The following WWOX variants were observed in gnomAD, a reference collection of about 807,000 sequenced individuals.
The protein encoded by WWOX is WW domain containing oxidoreductase.
A neutral mutation model predicts 46.2 loss-of-function variants in WWOX; 69 were observed. That is an observed-to-expected ratio of 1.49 (90% CI 1.23 to 1.82). WWOX has a LOEUF of 1.82. Ranked by LOEUF, WWOX falls within the 40% of genes most tolerant of loss-of-function variation. The pLI is 0.00. For synonymous variants in WWOX, 359 were observed against 202.6 expected (o/e 1.77, Z -6.56); for missense variants, 919 against 542.6 (o/e 1.69, Z -6.89).
chr16:78,273,627 G>C (rs977152995), intron 5 of WWOX, among the ~76,000 whole-genome samples: 4 of 152,144 alleles, frequency 2.6e-5, no homozygotes, highest in African/African-American at 9.7e-5. Flanking sequence ...AGTCACCCAG[G>C]CACGAAATGA....
At chr16:78,547,052 T>C (rs2044050364) in intron 8 of WWOX, among the ~76,000 whole-genome samples, 1 of 142,034 alleles carries the variant, frequency 7.0e-6, no homozygotes, top group Admixed American at 7.3e-5. Flanking sequence ...TGCTTGAGCC[T>C]GGGAGGTCAA....
chr16:78,575,691 C>T (rs544098496), intron 8 of WWOX, among the ~76,000 whole-genome samples: 10 of 152,260 alleles, frequency 6.6e-5, no homozygotes, highest in African/African-American at 1.9e-4. Flanking sequence ...TGACACCCTC[C>T]TAAAGCCACG....
intron 8 of WWOX, among the ~76,000 whole-genome samples, chr16:78,596,703 G>T (rs1234414584): frequency 6.6e-6 from 1 of 152,192 alleles, no homozygotes; most frequent in Non-Finnish European, 1.5e-5. Flanking sequence ...TGAGAGGTAA[G>T]CCGGGCCTAG....
At chr16:78,780,314 A>G (rs1242914720) in intron 8 of WWOX, 1 of 152,084 alleles carries the variant, frequency 6.6e-6, no homozygotes, top group Non-Finnish European at 1.5e-5. Flanking sequence ...GGGTACATTC[A>G]CTCACTCATG....
At chr16:78,818,753 C>A (rs375327195) in intron 8 of WWOX, among the ~76,000 whole-genome samples, 26 of 152,314 alleles carry the variant, frequency 1.7e-4, no homozygotes, top group African/African-American at 6.0e-4. Flanking sequence ...CCAGTCAAGT[C>A]ATTAACTATT....
At chr16:78,535,554 A>T (rs2043738326) in intron 8 of WWOX, 1 of 152,208 alleles carries the variant, frequency 6.6e-6, no homozygotes, top group South Asian at 2.1e-4. Context: ...TAGAAGTAAG[A>T]CTTTTTCTGT....
chr16:79,104,910 C>A (rs974866183), intron 8 of WWOX, among the ~76,000 whole-genome samples: 17 of 152,190 alleles, frequency 1.1e-4, no homozygotes, highest in Admixed American at 7.2e-4. Flanking sequence ...ATAGACTCTG[C>A]GCCTGGCTAA....
At position 78,796,507 on chromosome 16, in the gene WWOX, A is replaced by C. The variant is rs370959356; in HGVS notation, c.1056+363755A>C. On this transcript the variant is annotated intron_variant, in intron 8 of 8. Coordinates refer to ENST00000566780, the MANE Select transcript of WWOX (RefSeq NM_016373.4). ...AATGTAGTCTGGTGATGCCTCGAGG[A>C]GGCAAGAGAAATGTTTTCAGTGAAC... Among the ~76,000 whole-genome samples, 25 of 152,352 alleles carry C rather than the reference A, an allele frequency of 1.6e-4. No individual in the cohort carries two copies. The East Asian group carries it at 2.3e-3, about 14-fold the overall frequency.
intron 8 of WWOX, among the ~76,000 whole-genome samples, chr16:78,603,469 C>T (rs571301304): frequency 8.5e-5 from 13 of 152,224 alleles, no homozygotes; most frequent in African/African-American, 2.2e-4. Context: ...TTGAGGAGGA[C>T]GGATTACTTG....
intron 8 of WWOX, among the ~76,000 whole-genome samples, chr16:78,774,553 C>G (rs1425601577): frequency 1.3e-5 from 2 of 150,998 alleles, no homozygotes; most frequent in East Asian, 3.9e-4. Context: ...CACGCATGAG[C>G]CTGTACGTGT....
At chr16:78,623,512 T>A (rs2046237908) in intron 8 of WWOX, among the ~76,000 whole-genome samples, 1 of 152,024 alleles carries the variant, frequency 6.6e-6, no homozygotes, top group Non-Finnish European at 1.5e-5. Context: ...AAACCCCATC[T>A]CTACTAAAAA....
At chr16:78,563,000 A>T (rs1273547077) in intron 8 of WWOX, among the ~76,000 whole-genome samples, 9 of 150,446 alleles carry the variant, frequency 6.0e-5, no homozygotes, top group African/African-American at 2.2e-4. Context: ...TTTTTTTTTA[A>T]TCCCTCCCCC....
intron 8 of WWOX, among the ~76,000 whole-genome samples, chr16:78,669,355 A>G (rs989523914): frequency 6.6e-6 from 1 of 152,106 alleles, no homozygotes; most frequent in African/African-American, 2.4e-5. Context: ...TTTTAACTCC[A>G]ACTTCTTCAA....
rs869066028 is a variant in WWOX, at chr16:78,753,801, CAAAAAAA to C, written c.1056+321068_1056+321074del. 4.2e-3 allele frequency among the ~76,000 whole-genome samples: 122 copies of C among 29,068 alleles called. 1 individual carries two copies. Among genetic ancestry groups the C allele is most frequent in the African/African-American group, 9.1e-3 (64 of 7,018 alleles). The allele number at this position is 29,068 out of a possible 152,430, so 19.1% of individuals were successfully genotyped here. On this transcript the variant is annotated intron_variant, in intron 8 of 8. Transcript: ENST00000566780. ...TGGGTGACAGGGCAAGACCCTATAT[CAAAAAAA>C]AAAAAAAAAAAAAAAAAATATATAT...
intron 8 of WWOX, among the ~76,000 whole-genome samples, chr16:78,433,884 G>A (rs1210209990): frequency 2.0e-5 from 3 of 146,778 alleles, no homozygotes; most frequent in East Asian, 4.2e-4. Context: ...CCGCCTCCCG[G>A]GTTCACGCCA....
chr16:78,160,385 C>T (rs1004337011), intron 4 of WWOX, among the ~76,000 whole-genome samples: 2 of 152,020 alleles, frequency 1.3e-5, no homozygotes, highest in African/African-American at 2.4e-5. Flanking sequence ...TCGGCCACCC[C>T]GATTCCTGGG....
At chr16:78,679,632 C>T (rs771637765) in intron 8 of WWOX, among the ~76,000 whole-genome samples, 6 of 152,170 alleles carry the variant, frequency 3.9e-5, no homozygotes, top group Non-Finnish European at 8.8e-5. Flanking sequence ...TTGAAAGGAA[C>T]AGTAACAAGC....
At chr16:78,449,691 G>A (rs2083644613) in intron 8 of WWOX, among the ~76,000 whole-genome samples, 1 of 152,272 alleles carries the variant, frequency 6.6e-6, no homozygotes, top group Non-Finnish European at 1.5e-5. Flanking sequence ...GCTTTCTGAT[G>A]GGAGGTAAGA....
At chr16:78,932,076 C>G (rs1192795541) in intron 8 of WWOX, among the ~76,000 whole-genome samples, 1 of 152,224 alleles carries the variant, frequency 6.6e-6, no homozygotes, top group African/African-American at 2.4e-5. Flanking sequence ...TCCGTTAAAC[C>G]TCTTTCCTTT....
Sources: gnomAD v4.1 joint callset for allele counts (sites outside exome capture counted in the v4.1 genomes callset) on GRCh38, gnomAD v4.1.1 for gene constraint, MANE v1.5 for transcripts, NCBI Gene and HGNC (gene_info 2026-07-23, HGNC 2026-07-21) for gene names.